EDEM3: variants seen among roughly 807,000 people sequenced by gnomAD.
The protein encoded by EDEM3 is ER degradation-enhancing alpha-mannosidase-like protein 3.
Under a neutral mutation model 110.2 loss-of-function variants are expected in EDEM3, and 60 were observed. The observed-to-expected ratio is 0.54, with a 90% confidence interval of 0.44 to 0.67. The LOEUF is 0.67. EDEM3 is among the 30% of genes least tolerant of loss of function. The pLI is 0.00. For missense variants in EDEM3, 996 were observed against 1,121.0 expected (o/e 0.89, Z 1.59); for synonymous variants, 352 against 382.9 (o/e 0.92, Z 0.94).
intron 5 of EDEM3, 118 bp from the exon 6 acceptor site, chr1:184,733,108 C>T: frequency 9.5e-7 from 1 of 1,048,518 alleles, no homozygotes; most frequent in Middle Eastern, 2.2e-4. Context: ...ACAAAAATTA[C>T]TTAAACATTA....
intron 1 of EDEM3, among the ~76,000 whole-genome samples, chr1:184,751,010 A>G (rs1235184346): frequency 6.6e-6 from 1 of 152,144 alleles, no homozygotes; most frequent in Admixed American, 6.5e-5. Context: ...GATCCTGACT[A>G]TGAACACCAA....
intron 19 of EDEM3, among the ~76,000 whole-genome samples, chr1:184,696,758 G>C (rs1435302534): frequency 6.6e-6 from 1 of 151,944 alleles, no homozygotes; most frequent in African/African-American, 2.4e-5. Context: ...AAATTCAAGA[G>C]AGAACAAAAA....
intron 2 of EDEM3, 49 bp downstream of exon 2, chr1:184,749,498 T>A: frequency 7.4e-7 from 1 of 1,359,252 alleles, no homozygotes; most frequent in African/African-American, 1.5e-5. Flanking sequence ...TGTGCTCACA[T>A]AATAATCAAC....
rs1651910569 is a variant in EDEM3 at position 184,737,668 on chromosome 1, C to T, written c.248G>A (p.Arg83Lys). 7 of 1,613,914 alleles carry T rather than the reference C, an allele frequency of 4.3e-6. No individual in the cohort carries two copies. Among genetic ancestry groups the T allele is most frequent in the Non-Finnish European group, 5.9e-6 (7 of 1,179,934 alleles). The change falls in exon 3 of 20, where the codon AGA (arginine) becomes AAA (lysine). Residue 83 changes from arginine to lysine, a missense_variant. Arg to Lys is a conservative substitution (Grantham distance 26). Coordinates refer to ENST00000318130, the MANE Select transcript of EDEM3 (RefSeq NM_025191.4). ...TGGCTCTTGGCCTCTAACTCGACCT[C>T]TACAGGTTAAAGGCATGAGTTCATC... ...PADELMPLTC[R>K]GRVRGQEPSR... is the part of the protein sequence containing the mutation.
chr1:184,735,073 T>C (rs1016805159), intron 4 of EDEM3, among the ~76,000 whole-genome samples: 5 of 152,198 alleles, frequency 3.3e-5, no homozygotes, highest in Admixed American at 3.3e-4. Flanking sequence ...TCCTAAACTA[T>C]ACATCACCTG....
At chr1:184,712,624 A>C in intron 13 of EDEM3, 26 bp from the exon 14 acceptor site, 2 of 1,423,504 alleles carry the variant, frequency 1.4e-6, no homozygotes, top group Non-Finnish European at 1.9e-6. Context: ...ACAAATAAAT[A>C]TAAGTAGATA....
At chr1:184,724,920 C>T (rs1009548781) in intron 7 of EDEM3, among the ~76,000 whole-genome samples, 2 of 152,096 alleles carry the variant, frequency 1.3e-5, no homozygotes, top group African/African-American at 2.4e-5. Flanking sequence ...CAAACCTTTT[C>T]GGACAAGAAC....
chr1:184,735,362 T>C (rs954673188), intron 4 of EDEM3, among the ~76,000 whole-genome samples: 2 of 152,236 alleles, frequency 1.3e-5, no homozygotes, highest in African/African-American at 4.8e-5. Context: ...CTATTAACCA[T>C]GCAGATCTAG....
intron 6 of EDEM3, among the ~76,000 whole-genome samples, chr1:184,728,173 CCAGA>C (rs1377205774): frequency 6.6e-6 from 1 of 151,960 alleles, no homozygotes; most frequent in African/African-American, 2.4e-5. Flanking sequence ...AGCTTAAAAT[CCAGA>C]CAGAGCAAAT....
intron 7 of EDEM3, 78 bp from the exon 8 acceptor site, chr1:184,723,934 C>A (rs1339688409): frequency 9.6e-7 from 1 of 1,041,938 alleles, no homozygotes; most frequent in Non-Finnish European, 1.3e-6. Context: ...AGGAAACTAA[C>A]AAACAAAACT....
intron 6 of EDEM3, 69 bp from the exon 7 acceptor site, chr1:184,726,458 T>C: frequency 6.7e-7 from 1 of 1,484,428 alleles, no homozygotes; most frequent in Admixed American, 2.0e-5. Context: ...AAACTACTTT[T>C]CAATCAAGTC....
intron 6 of EDEM3, among the ~76,000 whole-genome samples, chr1:184,729,441 G>A (rs1053256038): frequency 3.3e-5 from 5 of 152,036 alleles, no homozygotes; most frequent in Non-Finnish European, 7.4e-5. Context: ...TTGTAATGAG[G>A]TCTTATCTGA....
rs980941556 is a variant in EDEM3, at chr1:184,716,947, A to G, written c.1311T>C (p.Ala437=). The change falls in exon 13 of 20, where the codon GCT becomes GCC. Residue 437 remains alanine (A), a synonymous_variant. Transcript: ENST00000318130. ...TGGCAGCAAATCCGCAAGGCACTCT[A>G]GCATATTTATTTAAATTTTCAATAA... ...KTLIENLNKY[A]RVPCGFAAMK... The G allele has an allele frequency of 6.2e-6, 10 of 1,613,130 alleles. No individual in the cohort carries two copies. The African/African-American group carries it at 1.1e-4, about 17-fold the overall frequency.
chr1:184,707,511 C>A (rs1197939205), intron 17 of EDEM3, among the ~76,000 whole-genome samples: 1 of 152,160 alleles, frequency 6.6e-6, no homozygotes, highest in Non-Finnish European at 1.5e-5. Flanking sequence ...ATAGCTTCTA[C>A]ATAGTTTAAA....
chr1:184,696,868 G>C (rs944012825), intron 19 of EDEM3, among the ~76,000 whole-genome samples: 6 of 152,022 alleles, frequency 3.9e-5, no homozygotes, highest in African/African-American at 1.4e-4. Flanking sequence ...TTGTGCTTGT[G>C]ATAAAAAACT....
chr1:184,710,904 G>C (rs1205794006), intron 15 of EDEM3, among the ~76,000 whole-genome samples: 1 of 152,038 alleles, frequency 6.6e-6, no homozygotes, highest in Non-Finnish European at 1.5e-5. Flanking sequence ...ATCAATACTT[G>C]CATCAGTGAA....
intron 3 of EDEM3, 41 bp downstream of exon 3, chr1:184,737,570 G>A (rs778743963): frequency 6.4e-7 from 1 of 1,572,420 alleles, no homozygotes; most frequent in African/African-American, 1.3e-5. Context: ...TAAGACTTGG[G>A]AACTCTGAGA....
chr1:184,727,759 C>T (rs1450124339), intron 6 of EDEM3, among the ~76,000 whole-genome samples: 7 of 151,950 alleles, frequency 4.6e-5, no homozygotes, highest in Admixed American at 1.3e-4. Flanking sequence ...CTAGCAGTAC[C>T]CCTCCATCCC....
chr1:184,727,486 T>A (rs923658210), intron 6 of EDEM3, among the ~76,000 whole-genome samples: 24 of 152,292 alleles, frequency 1.6e-4, no homozygotes, highest in African/African-American at 5.8e-4. Context: ...TTATTCAAAC[T>A]CTATATAAAG....
Sources: allele counts gnomAD v4.1 joint callset (sites outside exome capture counted in the v4.1 genomes callset), GRCh38; gene constraint gnomAD v4.1.1; transcripts MANE v1.5; gene names NCBI Gene and HGNC (gene_info 2026-07-23, HGNC 2026-07-21).